Variants in CENPN observed in about 807,000 individuals in gnomAD.
CENPN encodes the protein centromere protein N, also known as interphase centromere complex protein 32.
In CENPN, 36 loss-of-function variants were observed where a neutral mutation model predicts 48.6. The observed-to-expected ratio is 0.74, with a 90% CI of 0.57 to 0.98. The LOEUF (loss-of-function observed/expected upper bound fraction) is 0.98. Among genes scored for constraint, CENPN ranks in the 50% least tolerant of loss-of-function variants. The pLI, the probability that CENPN is intolerant of heterozygous loss-of-function variation, is 0.00. For missense variants in CENPN, 439 were observed against 399.2 expected (o/e 1.10, Z -0.85); for synonymous variants, 166 against 135.2 (o/e 1.23, Z -1.58).
intron 1 of CENPN, among the ~76,000 whole-genome samples, chr16:81,008,197 C>A (rs1175201124): frequency 6.6e-6 from 1 of 151,852 alleles, no homozygotes; most frequent in Non-Finnish European, 1.5e-5. Context: ...ACTGAGGGCG[C>A]TCTACCAAAT....
At chr16:81,012,796 T>C (rs1050810681) in intron 2 of CENPN, among the ~76,000 whole-genome samples, 4 of 152,220 alleles carry the variant, frequency 2.6e-5, no homozygotes, top group African/African-American at 7.2e-5. Context: ...GGTTTTGCCA[T>C]GTTGGCCAGG....
In CENPN at chr16:81,029,271, G is replaced by T; in HGVS notation, c.*620G>T. ...TTATCATGTGTATAACATTCAAACT[G>T]ACAAATATATTGACTTATGAATAAA... On this transcript the variant is annotated 3_prime_UTR_variant, in exon 11 of 11. Coordinates refer to ENST00000305850, the MANE Select transcript of CENPN (RefSeq NM_001100624.3). 1.1e-6 allele frequency: 1 copy of T among 911,212 alleles called. No homozygotes were observed. Among genetic ancestry groups the T allele is most frequent in the Non-Finnish European group, 1.3e-6 (1 of 762,520 alleles). 56.4% of individuals were successfully genotyped at this position (911,212 alleles called of 1,614,324 possible). A position where few individuals can be genotyped will look rare whatever the true frequency, so the allele number is the denominator to read the frequency against.
At position 81,030,444 on chromosome 16, in the gene CENPN, T is replaced by C; in HGVS notation, c.*1793T>C. Reference sequence around the variant, plus strand: ...CACATTAAGCAAGTGTGAAACATGATATAGAAAAATGACTTCACTCTGGGC... The same window carrying C: ...CACATTAAGCAAGTGTGAAACATGACATAGAAAAATGACTTCACTCTGGGC... On this transcript the variant is annotated 3_prime_UTR_variant, in exon 11 of 11. Transcript: ENST00000305850. The C allele has an allele frequency of 1.0e-6, 1 of 977,206 alleles. No individual in the cohort carries two copies. Among genetic ancestry groups the C allele is most frequent in the Non-Finnish European group, 1.2e-6 (1 of 822,592 alleles). 60.5% of individuals were successfully genotyped at this position (977,206 alleles called of 1,614,324 possible).
At position 81,029,422 on chromosome 16, in the gene CENPN, C is replaced by T; in HGVS notation, c.*771C>T. The stretch of plus-strand genomic sequence containing the variant: ...TTATTTCTTTATTTATTTATTGAGA[C>T]AGGGTCTCACTGTGTCACCCAAGCT... On this transcript the variant is annotated 3_prime_UTR_variant, in exon 11 of 11. Transcript: ENST00000305850. The T allele has an allele frequency of 2.0e-6, 1 of 492,492 alleles. No individual in the cohort carries two copies. Among genetic ancestry groups the T allele is most frequent in the Non-Finnish European group, 2.6e-6 (1 of 379,716 alleles). 30.5% of individuals were successfully genotyped at this position (492,492 alleles called of 1,614,324 possible).
intron 1 of CENPN, among the ~76,000 whole-genome samples, chr16:81,011,724 C>G (rs1436617187): frequency 6.6e-6 from 1 of 152,154 alleles, no homozygotes; most frequent in Non-Finnish European, 1.5e-5. Context: ...TGCCGATGGC[C>G]AGGCGCAGTA....
At position 81,030,408 on chromosome 16, in the gene CENPN, G is replaced by T. The variant is rs1970715804; in HGVS notation, c.*1757G>T. 1 of 984,080 alleles carries T rather than the reference G, an allele frequency of 1.0e-6. No individual in the cohort carries two copies. The highest frequency in any genetic ancestry group is 1.2e-6 in the Non-Finnish European group (1 of 829,018). 61.0% of individuals were successfully genotyped at this position (984,080 alleles called of 1,614,324 possible). On this transcript the variant is annotated 3_prime_UTR_variant, in exon 11 of 11. Coordinates refer to ENST00000305850, the MANE Select transcript of CENPN (RefSeq NM_001100624.3). ...CTGATACCAGATATGTGGGGGAGGG[G>T]GTTTCCCCCACACATTAAGCAAGTG... is the stretch of plus-strand genomic sequence containing the variant.
intron 3 of CENPN, 199 bp from the exon 4 acceptor site, chr16:81,017,127 G>T: frequency 2.2e-6 from 1 of 464,524 alleles, no homozygotes; most frequent in African/African-American, 2.1e-5. Context: ...TAAGTCAGTT[G>T]AATTAAGTAA....
chr16:81,026,159 A>G (rs1445841219), intron 8 of CENPN, among the ~76,000 whole-genome samples: 35 of 110,884 alleles, frequency 3.2e-4, no homozygotes, highest in Middle Eastern at 4.9e-3. Context: ...ATATATGTGT[A>G]TATATATGTG....
intron 1 of CENPN, among the ~76,000 whole-genome samples, chr16:81,009,166 G>A (rs1969637645): frequency 6.6e-6 from 1 of 152,152 alleles, no homozygotes; most frequent in African/African-American, 2.4e-5. Context: ...GCAGTGAGCA[G>A]AAATCCCACT....
chr16:81,019,371 C>T (rs895211051), intron 5 of CENPN, among the ~76,000 whole-genome samples: 8 of 150,968 alleles, frequency 5.3e-5, no homozygotes, highest in African/African-American at 4.9e-5. Flanking sequence ...CACATGTCAC[C>T]GTGCCTGGCT....
In CENPN at chr16:81,022,661, ACT is replaced by A. The variant is rs1410510918; in HGVS notation, c.601_602del (p.Leu201Ter). 1 of 1,613,958 alleles carries A rather than the reference ACT, an allele frequency of 6.2e-7. No homozygotes were observed. The highest frequency in any genetic ancestry group is 1.1e-5 in the South Asian group (1 of 91,074). On this transcript the variant is annotated frameshift_variant, in exon 7 of 11. Coordinates refer to ENST00000305850, the MANE Select transcript of CENPN (RefSeq NM_001100624.3). LOFTEE classifies it high-confidence loss of function. ...ATGGACCTGAGAAGTCGGTATCTGG[ACT>A]CTCTTAAGGCTATTGTTTTTAAACA... is the stretch of plus-strand genomic sequence containing the variant.
chr16:81,013,177 A>G (rs1395279577), intron 2 of CENPN, among the ~76,000 whole-genome samples: 2 of 152,244 alleles, frequency 1.3e-5, no homozygotes, highest in African/African-American at 2.4e-5. Flanking sequence ...GTTTCCATAC[A>G]GTGGATATAC....
chr16:81,021,282 T>A (rs1970181891), intron 6 of CENPN, among the ~76,000 whole-genome samples: 1 of 152,148 alleles, frequency 6.6e-6, no homozygotes, highest in Non-Finnish European at 1.5e-5. Flanking sequence ...CTGCTTCTCT[T>A]TATGGTTCTG....
Position 81,026,551 on chromosome 16 carries a change from CAT to C in CENPN, c.725_726del (p.Ile242SerfsTer28). 2 of 1,596,732 alleles carry C rather than the reference CAT, an allele frequency of 1.3e-6. No individual in the cohort carries two copies. The highest frequency in any genetic ancestry group is 1.7e-6 in the Non-Finnish European group (2 of 1,166,752). On this transcript the variant is annotated frameshift_variant, in exon 9 of 11. Transcript: ENST00000305850. LOFTEE classifies it high-confidence loss of function. ...TGGATTCAAGGATCATTCATGAAAA[CAT>C]AGTAGAAAAAGAGAGAGTCCAACGA... ...NMDSRIIHEN[I>X]VEKERVQRIT...
At chr16:81,019,118 A>G (rs1970059627) in intron 5 of CENPN, among the ~76,000 whole-genome samples, 1 of 152,202 alleles carries the variant, frequency 6.6e-6, no homozygotes, top group Non-Finnish European at 1.5e-5. Flanking sequence ...AATGCATAAG[A>G]GCATTAGGAA....
chr16:81,026,155 G>C (rs202028391), intron 8 of CENPN, among the ~76,000 whole-genome samples: 1 of 83,394 alleles, frequency 1.2e-5, no homozygotes, highest in African/African-American at 3.6e-5. Flanking sequence ...ATATATATAT[G>C]TGTATATATA....
intron 5 of CENPN, among the ~76,000 whole-genome samples, chr16:81,018,582 AG>A (rs1403227802): frequency 1.3e-5 from 2 of 152,178 alleles, no homozygotes; most frequent in Non-Finnish European, 2.9e-5. Context: ...TTGATTTTAC[AG>A]ATGTTTTTGC....
chr16:81,007,962 C>T (rs1472470429), intron 1 of CENPN, among the ~76,000 whole-genome samples: 2 of 152,016 alleles, frequency 1.3e-5, no homozygotes, highest in East Asian at 3.9e-4. Flanking sequence ...CAAAAATTAA[C>T]CGGACGTGGT....
chr16:81,032,628 C>T, downstream of CENPN: 4 of 1,613,864 alleles, frequency 2.5e-6, no homozygotes, highest in Middle Eastern at 3.3e-4. Context: ...GTCAAGGGAC[C>T]CAGGACCCGA....
Sources: gnomAD v4.1 joint callset for allele counts (sites outside exome capture counted in the v4.1 genomes callset) on GRCh38, gnomAD v4.1.1 for gene constraint, MANE v1.5 for transcripts, NCBI Gene and HGNC (gene_info 2026-07-23, HGNC 2026-07-21) for gene names.